Variants in SMAP1 observed in about 807,000 individuals in gnomAD.
The protein encoded by SMAP1 is stromal membrane-associated protein 1.
SMAP1 carries 24 observed loss-of-function variants against 58.5 expected under a neutral mutation model. The ratio of observed to expected loss-of-function variants is 0.41; its 90% CI spans 0.30 to 0.58. The LOEUF is 0.58. Ranked by LOEUF, SMAP1 falls within the 20% of genes least tolerant of loss-of-function variation. SMAP1 has a pLI of 0.29. For missense variants in SMAP1, 563 were observed against 566.3 expected (o/e 0.99, Z 0.06); for synonymous variants, 216 against 196.6 (o/e 1.10, Z -0.82).
In SMAP1 at chr6:70,861,811, G is replaced by A; in HGVS notation, c.*1477G>A. 6.2e-7 allele frequency: 1 copy of A among 1,614,052 alleles called. No homozygotes were observed. Among genetic ancestry groups the A allele is most frequent in the Non-Finnish European group, 8.5e-7 (1 of 1,179,958 alleles). Reference sequence around the variant, plus strand: ...TCATGGTGACACTCGAGGTCGGGCAGCACAAGTGTAATGAATACCTTAGTG... The same window carrying A: ...TCATGGTGACACTCGAGGTCGGGCAACACAAGTGTAATGAATACCTTAGTG... On this transcript the variant is annotated 3_prime_UTR_variant, in exon 11 of 11. Transcript: ENST00000370455.
chr6:70,756,325 AT>A (rs1655556714), intron 3 of SMAP1, among the ~76,000 whole-genome samples: 1 of 152,092 alleles, frequency 6.6e-6, no homozygotes, highest in Non-Finnish European at 1.5e-5. Flanking sequence ...GATATAGGTC[AT>A]TATATGTTTA....
In SMAP1 at chr6:70,685,237, A is replaced by G. The variant is rs375315778; in HGVS notation, c.118+17096A>G. Among the ~76,000 whole-genome samples the G allele has an allele frequency of 5.9e-5, 9 of 152,190 alleles. 1 individual carries two copies. The East Asian group carries it at 1.5e-3, about 26-fold the overall frequency. On this transcript the variant is annotated intron_variant, in intron 1 of 10. Coordinates refer to ENST00000370455, the MANE Select transcript of SMAP1 (RefSeq NM_001044305.3). ...ATTGAAGAGATTCTGAGACTAGACCAGTGCAAAAATACTTGATGGAAGCCT... is the reference window on the plus strand; with the variant it reads ...ATTGAAGAGATTCTGAGACTAGACCGGTGCAAAAATACTTGATGGAAGCCT...
intron 2 of SMAP1, among the ~76,000 whole-genome samples, chr6:70,734,046 A>C (rs192912074): frequency 1.6e-4 from 25 of 152,188 alleles, no homozygotes; most frequent in South Asian, 6.2e-4. Context: ...AACAGTTATT[A>C]AATAATAATA....
At chr6:70,794,133 T>C (rs1768493763) in intron 5 of SMAP1, among the ~76,000 whole-genome samples, 1 of 152,230 alleles carries the variant, frequency 6.6e-6, no homozygotes. Flanking sequence ...CCAGTTTTCT[T>C]GCACAGGAGG....
intron 1 of SMAP1, among the ~76,000 whole-genome samples, chr6:70,698,029 T>C (rs1313426435): frequency 6.6e-6 from 1 of 152,220 alleles, no homozygotes; most frequent in African/African-American, 2.4e-5. Context: ...TTCTTATTGC[T>C]CGTTAACATC....
rs1318425793 is a variant in SMAP1 at position 70,668,386 on chromosome 6, A to G, written c.118+245A>G. The G allele has an allele frequency of 1.5e-5, 14 of 904,704 alleles. No homozygotes were observed. The East Asian group carries it at 3.8e-4, about 25-fold the overall frequency. The allele number at this position is 904,704 out of a possible 1,614,324, so 56.0% of individuals were successfully genotyped here. On this transcript the variant is annotated intron_variant, in intron 1 of 10. Coordinates refer to ENST00000370455, the MANE Select transcript of SMAP1 (RefSeq NM_001044305.3). Reference sequence around the variant, plus strand: ...GCCCCAGCCTCCCCTCCTCCCAGACACGGGTTTGAGCAGGTGCCAGGGTAG... The same window carrying G: ...GCCCCAGCCTCCCCTCCTCCCAGACGCGGGTTTGAGCAGGTGCCAGGGTAG...
chr6:70,683,349 T>G (rs1490834313), intron 1 of SMAP1, among the ~76,000 whole-genome samples: 1 of 151,710 alleles, frequency 6.6e-6, no homozygotes, highest in Non-Finnish European at 1.5e-5. Flanking sequence ...TTTTTTTGTA[T>G]TTTTAGTAGA....
At chr6:70,748,984 C>T (rs1414273143) in intron 2 of SMAP1, among the ~76,000 whole-genome samples, 1 of 152,036 alleles carries the variant, frequency 6.6e-6, no homozygotes, top group Non-Finnish European at 1.5e-5. Flanking sequence ...ATCAGTTCCT[C>T]AGAAAATGGA....
intron 1 of SMAP1, among the ~76,000 whole-genome samples, chr6:70,691,925 C>T (rs1026288660): frequency 8.5e-5 from 13 of 152,122 alleles, no homozygotes; most frequent in African/African-American, 2.4e-4. Context: ...TAAACATGGC[C>T]GTGCAGGTAT....
chr6:70,794,081 C>T (rs1293301059), intron 5 of SMAP1, among the ~76,000 whole-genome samples: 1 of 150,530 alleles, frequency 6.6e-6, no homozygotes, highest in Non-Finnish European at 1.5e-5. Context: ...ATAATGAACC[C>T]AGTATGTACT....
At chr6:70,694,839 T>C (rs1767332008) in intron 1 of SMAP1, among the ~76,000 whole-genome samples, 1 of 152,240 alleles carries the variant, frequency 6.6e-6, no homozygotes. Context: ...TGTTGTTTAC[T>C]TTTTGAAATT....
At chr6:70,709,778 A>G (rs1363201513) in intron 1 of SMAP1, among the ~76,000 whole-genome samples, 2 of 151,960 alleles carry the variant, frequency 1.3e-5, no homozygotes, top group Non-Finnish European at 2.9e-5. Flanking sequence ...ATTTGTTTGT[A>G]TATTGTTTTA....
At chr6:70,788,513 G>C (rs914001671) in intron 4 of SMAP1, among the ~76,000 whole-genome samples, 1 of 151,816 alleles carries the variant, frequency 6.6e-6, no homozygotes, top group Non-Finnish European at 1.5e-5. Context: ...TAGGAGGTGC[G>C]TACTCCAGAC....
chr6:70,686,579 A>G (rs957837706), intron 1 of SMAP1, among the ~76,000 whole-genome samples: 12 of 152,220 alleles, frequency 7.9e-5, no homozygotes, highest in Non-Finnish European at 1.8e-4. Context: ...GAAAAAACAC[A>G]CATTTCTTTT....
At chr6:70,699,914 C>A (rs1046911264) in intron 1 of SMAP1, among the ~76,000 whole-genome samples, 9 of 151,926 alleles carry the variant, frequency 5.9e-5, no homozygotes, top group African/African-American at 2.2e-4. Context: ...AGCTGGCAAC[C>A]AAACTGTAAG....
intron 6 of SMAP1, among the ~76,000 whole-genome samples, chr6:70,814,779 AGTTT>A (rs1386287694): frequency 6.6e-6 from 1 of 152,146 alleles, no homozygotes; most frequent in Non-Finnish European, 1.5e-5. Context: ...TTGGTCTGAC[AGTTT>A]GTTCTTGAGA....
In SMAP1 at chr6:70,793,953, G is replaced by A. The variant is rs572029339; in HGVS notation, c.495+2184G>A. ...TCTCTGTGTTGGTCAGGCTGGTCTCGAACTCCCGACCTCAGGTGATCTGCC... is the reference window on the plus strand; with the variant it reads ...TCTCTGTGTTGGTCAGGCTGGTCTCAAACTCCCGACCTCAGGTGATCTGCC... On this transcript the variant is annotated intron_variant, in intron 5 of 10. Coordinates refer to ENST00000370455, the MANE Select transcript of SMAP1 (RefSeq NM_001044305.3). Among the ~76,000 whole-genome samples, 20 of 152,054 alleles carry A rather than the reference G, an allele frequency of 1.3e-4. No homozygotes were observed. The South Asian group carries it at 3.9e-3, about 30-fold the overall frequency.
intron 1 of SMAP1, among the ~76,000 whole-genome samples, chr6:70,727,022 G>A (rs1039561712): frequency 4.6e-5 from 7 of 151,928 alleles, no homozygotes; most frequent in African/African-American, 1.7e-4. Flanking sequence ...TCAAGATGGG[G>A]GGGGCACTGT....
intron 1 of SMAP1, among the ~76,000 whole-genome samples, chr6:70,727,484 C>G (rs1765231560): frequency 6.6e-6 from 1 of 152,246 alleles, no homozygotes; most frequent in East Asian, 1.9e-4. Flanking sequence ...TAATTTTTAC[C>G]TCTTCTATGT....
Sources: allele counts gnomAD v4.1 joint callset (sites outside exome capture counted in the v4.1 genomes callset), GRCh38; gene constraint gnomAD v4.1.1; transcripts MANE v1.5; gene names NCBI Gene and HGNC (gene_info 2026-07-23, HGNC 2026-07-21).